SEMA5A: variants seen among roughly 807,000 people sequenced by gnomAD.
SEMA5A encodes the protein semaphorin 5A.
In SEMA5A, 55 loss-of-function variants were observed where a neutral mutation model predicts 135.5. That is an observed-to-expected ratio of 0.41 (90% confidence interval 0.33 to 0.51). The LOEUF (loss-of-function observed/expected upper bound fraction) is 0.51, where lower values mean the gene tolerates loss of function less well. SEMA5A is among the 20% of genes least tolerant of loss of function. The pLI is 0.37. For synonymous variants in SEMA5A, 580 were observed against 546.5 expected, an observed-to-expected ratio of 1.06 and a Z score of -0.85; for missense variants, 1,290 against 1,419.9, an observed-to-expected ratio of 0.91 and a Z score of 1.47.
chr5:9,391,302 G>C (rs1183856515), intron 2 of SEMA5A, among the ~76,000 whole-genome samples: 1 of 152,140 alleles, frequency 6.6e-6, no homozygotes, highest in Non-Finnish European at 1.5e-5. Context: ...GTGCCCTCCT[G>C]TCCTTGAGGC....
intron 11 of SEMA5A, among the ~76,000 whole-genome samples, chr5:9,184,767 C>T (rs62340976): frequency 2.0e-5 from 3 of 152,086 alleles, no homozygotes; most frequent in Non-Finnish European, 4.4e-5. Flanking sequence ...ACATTTCTCT[C>T]CCTTTTTTTT....
intron 1 of SEMA5A, among the ~76,000 whole-genome samples, chr5:9,473,939 G>T (rs1405370775): frequency 6.6e-6 from 1 of 152,124 alleles, no homozygotes; most frequent in Non-Finnish European, 1.5e-5. Flanking sequence ...TGACCACATG[G>T]AGTCCAAAGA....
chr5:9,335,753 A>G (rs73742650), intron 4 of SEMA5A, among the ~76,000 whole-genome samples: 3,522 of 152,256 alleles, frequency 0.023, 124 homozygotes, highest in African/African-American at 0.078. Context: ...AAATTGTTAT[A>G]ATCCCAACCC....
At chr5:9,297,464 T>C (rs181642770) in intron 5 of SEMA5A, among the ~76,000 whole-genome samples, 6 of 152,298 alleles carry the variant, frequency 3.9e-5, no homozygotes, top group East Asian at 1.9e-4. Flanking sequence ...ACTTCCACTA[T>C]GTGTGTGCCC....
rs946533629 is a variant in SEMA5A at position 9,204,285 on chromosome 5, G to A, written c.647-2045C>T. 9.2e-5 allele frequency among the ~76,000 whole-genome samples: 14 copies of A among 152,100 alleles called. No individual in the cohort carries two copies. The highest frequency in any genetic ancestry group is 1.9e-4 in the East Asian group (1 of 5,190). ...GTAAGGGTCCAAGTGTGTCTAGCCC[G>A]GGACTTAGGTTACCAGCACACATGC... On this transcript the variant is annotated intron_variant, in intron 8 of 22. Coordinates refer to ENST00000382496, the MANE Select transcript of SEMA5A (RefSeq NM_003966.3). This position sits in a 1 kb window ranked among gnomAD's most constrained non-coding sequence, Gnocchi z 6.4.
chr5:9,063,210 T>G, intron 17 of SEMA5A, 105 bp from the exon 18 acceptor site: 10 of 1,092,670 alleles, frequency 9.2e-6, no homozygotes, highest in African/African-American at 1.6e-5. Flanking sequence ...TTTCTAGAAC[T>G]ACCCTCTCAC....
At chr5:9,517,550 T>C (rs947822101) in intron 1 of SEMA5A, 1 of 152,166 alleles carries the variant, frequency 6.6e-6, no homozygotes, top group Non-Finnish European at 1.5e-5. Flanking sequence ...GCAAACAAGA[T>C]CAAAGAAGTT....
chr5:9,289,508 AC>A (rs1750969469), intron 5 of SEMA5A, among the ~76,000 whole-genome samples: 1 of 152,116 alleles, frequency 6.6e-6, no homozygotes, highest in African/African-American at 2.4e-5. Context: ...TACAAAAAAT[AC>A]AAAAAATTAG....
At chr5:9,536,439 C>A (rs555712736) in intron 1 of SEMA5A, among the ~76,000 whole-genome samples, 2 of 152,102 alleles carry the variant, frequency 1.3e-5, no homozygotes, top group South Asian at 4.2e-4. Context: ...ATGGTGAAAC[C>A]CTGTCTCTAC....
chr5:9,395,750 T>C (rs1335033511), intron 2 of SEMA5A, among the ~76,000 whole-genome samples: 3 of 152,222 alleles, frequency 2.0e-5, no homozygotes, highest in Non-Finnish European at 4.4e-5. Flanking sequence ...TGCAATAGAT[T>C]ACATTTCTGG....
intron 16 of SEMA5A, among the ~76,000 whole-genome samples, chr5:9,096,143 A>G (rs1406805168): frequency 6.6e-6 from 1 of 152,188 alleles, no homozygotes; most frequent in East Asian, 1.9e-4. Context: ...AGTACAATCT[A>G]CATTCTTTAC....
intron 3 of SEMA5A, among the ~76,000 whole-genome samples, chr5:9,358,243 C>T (rs1366698747): frequency 6.6e-6 from 1 of 152,198 alleles, no homozygotes; most frequent in East Asian, 1.9e-4. Context: ...ACCAAAGCCA[C>T]TAAGAACCAC....
At chr5:9,155,995 T>A (rs1742932536) in intron 11 of SEMA5A, among the ~76,000 whole-genome samples, 1 of 152,204 alleles carries the variant, frequency 6.6e-6, no homozygotes, top group Non-Finnish European at 1.5e-5. Flanking sequence ...TATGCTACTT[T>A]TTAAAAAGGT....
In SEMA5A at chr5:9,036,989, A is replaced by C. The variant is rs192437221; in HGVS notation, c.*5908T>G. ...TATCAAACATTTGAATCATTTTATT[A>C]CTGCCATTCATCTAACATTTGGAAT... On this transcript the variant is annotated 3_prime_UTR_variant, in exon 23 of 23. Transcript: ENST00000382496. 3.0e-4 allele frequency: 45 copies of C among 152,350 alleles called. No individual in the cohort carries two copies. Among genetic ancestry groups the C allele is most frequent in the Non-Finnish European group, 6.2e-4 (42 of 68,020 alleles). 9.4% of individuals were successfully genotyped at this position (152,350 alleles called of 1,614,324 possible). A position where few individuals can be genotyped will look rare whatever the true frequency, so the allele number is the denominator to read the frequency against.
chr5:9,421,934 T>C (rs182157365), intron 2 of SEMA5A, among the ~76,000 whole-genome samples: 112 of 152,344 alleles, frequency 7.4e-4, no homozygotes, highest in African/African-American at 2.5e-3. Context: ...GAATTGCAAA[T>C]ATTATCTCTA....
rs759519482 is a variant in SEMA5A at position 9,418,188 on chromosome 5, A to G, written c.-78+19568T>C. Among the ~76,000 whole-genome samples, 225 of 151,936 alleles carry G rather than the reference A, an allele frequency of 1.5e-3. 1 individual carries two copies. Among genetic ancestry groups the G allele is most frequent in the Admixed American group, 2.6e-3 (40 of 15,260 alleles). On this transcript the variant is annotated intron_variant, in intron 2 of 22. Transcript: ENST00000382496. Reference sequence around the variant, plus strand: ...AGATGGGGTTTCACCGTGTTAGCCAAGATGGTCTCGATCTCCTGACCTCGT... The same window carrying G: ...AGATGGGGTTTCACCGTGTTAGCCAGGATGGTCTCGATCTCCTGACCTCGT...
At chr5:9,442,271 G>A (rs1758264554) in intron 1 of SEMA5A, among the ~76,000 whole-genome samples, 1 of 152,190 alleles carries the variant, frequency 6.6e-6, no homozygotes, top group South Asian at 2.1e-4. Context: ...ATGTCTATGT[G>A]GTCAATTCTC....
chr5:9,233,467 CT>C (rs1040449575), intron 6 of SEMA5A, among the ~76,000 whole-genome samples: 20 of 152,068 alleles, frequency 1.3e-4, no homozygotes, highest in Admixed American at 3.3e-4. Flanking sequence ...CCCACCCCCA[CT>C]TTTTTTCCCC....
Position 9,190,287 on chromosome 5 carries a change from T to C in SEMA5A, c.1253A>G (p.His418Arg), listed in dbSNP as rs1255767988. The change falls in exon 11 of 23, where the codon CAC (histidine) becomes CGC (arginine). Residue 418 changes from histidine to arginine, a missense_variant. Physicochemically the swap from His to Arg is conservative, Grantham distance 29 (BLOSUM62 0). This residue lies in a region of SEMA5A where 1,029 missense variants were observed against 1,086.6 expected (regional missense o/e 0.95). Transcript: ENST00000382496. ...CCTACCTGTGGCCAAATAGATGATGTGGACGAGCGCTTCTCTGCCCTGCAC... is the reference window on the plus strand; with the variant it reads ...CCTACCTGTGGCCAAATAGATGATGCGGACGAGCGCTTCTCTGCCCTGCAC... ...DVVQGREALV[H>R]IIYLATDYGT... 3 of 1,614,094 alleles carry C rather than the reference T, an allele frequency of 1.9e-6. No individual in the cohort carries two copies. The highest frequency in any genetic ancestry group is 4.5e-5 in the East Asian group (2 of 44,862).
Sources: allele counts gnomAD v4.1 joint callset (sites outside exome capture counted in the v4.1 genomes callset), GRCh38; gene constraint gnomAD v4.1.1; regional missense constraint gnomAD v4.1.1; non-coding constraint Gnocchi (gnomAD v3.1); transcripts MANE v1.5; gene names NCBI Gene and HGNC (gene_info 2026-07-23, HGNC 2026-07-21).